PCDHGA9: variants seen among roughly 807,000 people sequenced by gnomAD.
PCDHGA9 encodes protocadherin gamma subfamily A, 9.
A neutral mutation model predicts 62.5 loss-of-function variants in PCDHGA9; 37 were observed. The ratio of observed to expected loss-of-function variants is 0.59; its 90% CI spans 0.46 to 0.78. The LOEUF (loss-of-function observed/expected upper bound fraction) is 0.78, where lower values mean the gene tolerates loss of function less well. Ranked by LOEUF, PCDHGA9 falls within the 30% of genes least tolerant of loss-of-function variation. PCDHGA9 has a pLI of 0.00. For synonymous variants in PCDHGA9, 459 were observed against 484.6 expected (o/e 0.95, Z 0.69); for missense variants, 1,138 against 1,166.2 (o/e 0.98, Z 0.35).
rs13178808 is a variant in PCDHGA9 at position 141,491,920 on chromosome 5, G to A, written c.2425-2887G>A. 1.2e-4 allele frequency: 164 copies of A among 1,356,270 alleles called. No individual in the cohort carries two copies. Among genetic ancestry groups the A allele is most frequent in the Non-Finnish European group, 1.5e-4 (155 of 1,015,194 alleles). The allele number at this position is 1,356,270 out of a possible 1,614,324, so 84.0% of individuals were successfully genotyped here. On this transcript the variant is annotated intron_variant, in intron 1 of 3. Transcript: ENST00000573521. This position sits in a 1 kb window ranked among gnomAD's most constrained non-coding sequence, Gnocchi z 6.9. ...ACCGGGGGTGGTGGCGACTGTGGGC[G>A]AGGGGAGGTGGGACCGACCCCCACC...
chr5:141,489,159 T>G lies in PCDHGA9; in HGVS notation c.2425-5648T>G. On this transcript the variant is annotated intron_variant, in intron 1 of 3. Transcript: ENST00000573521. This position sits in a 1 kb window ranked among gnomAD's most constrained non-coding sequence, Gnocchi z 4.5. ...AGGCTGGAAGGAGACATAAGAGACT[T>G]CAGCTGCTGCATTCCAAGCCCTGGG... is the stretch of plus-strand genomic sequence containing the variant. 2 of 1,023,152 alleles carry G rather than the reference T, an allele frequency of 2.0e-6. No individual in the cohort carries two copies. Among genetic ancestry groups the G allele is most frequent in the Non-Finnish European group, 2.9e-6 (2 of 697,120 alleles). The allele number at this position is 1,023,152 out of a possible 1,614,324, so 63.4% of individuals were successfully genotyped here. A position where few individuals can be genotyped will look rare whatever the true frequency, so the allele number is the denominator to read the frequency against.
In PCDHGA9 at chr5:141,476,476, C is replaced by T; in HGVS notation, c.2425-18331C>T. 6.2e-7 allele frequency: 1 copy of T among 1,613,986 alleles called. No homozygotes were observed. The highest frequency in any genetic ancestry group is 8.5e-7 in the Non-Finnish European group (1 of 1,179,992). On this transcript the variant is annotated intron_variant, in intron 1 of 3. Transcript: ENST00000573521. The surrounding 1 kb of genome is among the most constrained non-coding windows in gnomAD (Gnocchi z 7.6). Reference sequence around the variant, plus strand: ...TGGAGAACCCGCTGGAGCTGTTCAGCGTGGAAGTGGTGATCCAGGACATCA... The same window carrying T: ...TGGAGAACCCGCTGGAGCTGTTCAGTGTGGAAGTGGTGATCCAGGACATCA...
At position 141,403,701 on chromosome 5, in the gene PCDHGA9, A is replaced by C; in HGVS notation, c.749A>C (p.Lys250Thr). The C allele has an allele frequency of 1.2e-6, 2 of 1,613,934 alleles. No individual in the cohort carries two copies. Among genetic ancestry groups the C allele is most frequent in the South Asian group, 2.2e-5 (2 of 91,084 alleles). ...TTTGCTCAACGGATTTACCGAGTTA[A>C]AGTCCTTGAGAACGTGCCCCCAGGC... The part of the protein sequence containing the change: ...PVFAQRIYRV[K>T]VLENVPPGTW... The change falls in exon 1 of 4, where the codon AAA (lysine) becomes ACA (threonine). Residue 250 changes from lysine (K) to threonine (T), a missense_variant. By Grantham distance (78) the Lys-to-Thr change is moderately conservative. Transcript: ENST00000573521.
intron 1 of PCDHGA9, chr5:141,412,431 G>GTTAA (rs1478574285): frequency 6.6e-6 from 1 of 152,132 alleles, no homozygotes; most frequent in African/African-American, 2.4e-5. Context: ...ACACAAAAAG[G>GTTAA]TTAATTAAGG....
intron 1 of PCDHGA9, among the ~76,000 whole-genome samples, chr5:141,474,420 T>C (rs1260451051): frequency 2.0e-5 from 3 of 152,226 alleles, no homozygotes; most frequent in Admixed American, 2.0e-4. Flanking sequence ...GCCTAGACCA[T>C]TGGTCCTCAC....
intron 1 of PCDHGA9, among the ~76,000 whole-genome samples, chr5:141,470,459 AT>A: frequency 6.6e-6 from 1 of 152,096 alleles, no homozygotes; most frequent in East Asian, 1.9e-4. Flanking sequence ...CTTGAATAGG[AT>A]TTTCTGATAT....
intron 1 of PCDHGA9, among the ~76,000 whole-genome samples, chr5:141,480,960 A>G (rs954219522): frequency 1.3e-5 from 2 of 152,190 alleles, no homozygotes; most frequent in African/African-American, 4.8e-5. Context: ...CGGAAGCATC[A>G]GTGAGGGAGA....
At chr5:141,441,763 G>A in intron 1 of PCDHGA9, 1 of 384,020 alleles carries the variant, frequency 2.6e-6, no homozygotes, top group Non-Finnish European at 5.2e-6. Flanking sequence ...GTGAGCCTGC[G>A]CGTGTTGGTG....
chr5:141,464,208 T>G (rs915798868), intron 1 of PCDHGA9, among the ~76,000 whole-genome samples: 1 of 148,120 alleles, frequency 6.8e-6, no homozygotes, highest in Admixed American at 6.9e-5. Context: ...GAGATTGCAG[T>G]GAGCTGAGAT....
In PCDHGA9 at chr5:141,485,423, C is replaced by A; in HGVS notation, c.2425-9384C>A. On this transcript the variant is annotated intron_variant, in intron 1 of 3. Transcript: ENST00000573521. This position sits in a 1 kb window ranked among gnomAD's most constrained non-coding sequence, Gnocchi z 5.7. Reference sequence around the variant, plus strand: ...CCGTGTGGATTTGGACAGCGGAGCCCTGCTCATCAAGAACCCAATCGACCG... The same window carrying A: ...CCGTGTGGATTTGGACAGCGGAGCCATGCTCATCAAGAACCCAATCGACCG... 1 of 1,614,204 alleles carries A rather than the reference C, an allele frequency of 6.2e-7. No homozygotes were observed. The highest frequency in any genetic ancestry group is 8.5e-7 in the Non-Finnish European group (1 of 1,180,036).
intron 1 of PCDHGA9, chr5:141,422,221 A>T (rs1267909650): frequency 1.3e-6 from 2 of 1,565,034 alleles, no homozygotes; most frequent in Admixed American, 4.0e-5. Context: ...CTTTACCACC[A>T]CGACGATGTT....
At position 141,486,813 on chromosome 5, in the gene PCDHGA9, G is replaced by A; in HGVS notation, c.2425-7994G>A. On this transcript the variant is annotated intron_variant, in intron 1 of 3. Transcript: ENST00000573521. The surrounding 1 kb of genome is among the most constrained non-coding windows in gnomAD (Gnocchi z 5.0). ...GATCGGGGCAACCCACCCCTTAGCA[G>A]CACTGTAACAGTTCGTCTATTTGTG... The A allele has an allele frequency of 6.2e-7, 1 of 1,614,212 alleles. No individual in the cohort carries two copies.
chr5:141,472,529 G>C lies in PCDHGA9; in HGVS notation c.2425-22278G>C, dbSNP rs553065027. 9.3e-5 allele frequency among the ~76,000 whole-genome samples: 14 copies of C among 151,058 alleles called. No individual in the cohort carries two copies. In the East Asian group the frequency reaches 2.6e-3, roughly 28 times the overall value. ...CACTCCAGCCTGGGTGACAGAGTGA[G>C]ACACCATCTCAAGAAAAAAAAAATT... On this transcript the variant is annotated intron_variant, in intron 1 of 3. Transcript: ENST00000573521.
intron 1 of PCDHGA9, chr5:141,422,152 G>A (rs979405624): frequency 1.3e-5 from 20 of 1,575,764 alleles, no homozygotes; most frequent in Non-Finnish European, 1.5e-5. Flanking sequence ...GGGGTCTCTG[G>A]ATTTTGAAAA....
rs753358324 is a variant in PCDHGA9, at chr5:141,487,328, G to A, written c.2425-7479G>A. On this transcript the variant is annotated intron_variant, in intron 1 of 3. Transcript: ENST00000573521. This position sits in a 1 kb window ranked among gnomAD's most constrained non-coding sequence, Gnocchi z 5.0. ...ACTACTCTCTAAGTGTCTTCGTGGG[G>A]CAGCCTGTGGAGTCACATGCTTTCC... 1.2e-6 allele frequency: 2 copies of A among 1,613,962 alleles called. No individual in the cohort carries two copies. The highest frequency in any genetic ancestry group is 2.2e-5 in the East Asian group (1 of 44,874).
At chr5:141,407,175 C>T (rs752092856) in intron 1 of PCDHGA9, among the ~76,000 whole-genome samples, 39 of 152,166 alleles carry the variant, frequency 2.6e-4, no homozygotes, top group Non-Finnish European at 5.4e-4. Flanking sequence ...TTATGACATA[C>T]AGACATTTTA....
In PCDHGA9 at chr5:141,487,562, G is replaced by A. The variant is rs140619162; in HGVS notation, c.2425-7245G>A. The A allele has an allele frequency of 7.7e-5, 125 of 1,614,060 alleles. 1 individual carries two copies. The highest frequency in any genetic ancestry group is 5.7e-4 in the Admixed American group (34 of 60,006). On this transcript the variant is annotated intron_variant, in intron 1 of 3. Transcript: ENST00000573521. The surrounding 1 kb of genome is among the most constrained non-coding windows in gnomAD (Gnocchi z 5.0). ...GAAGTCACCCAGTGCACCTATGGCA[G>A]GGGAGCCTGTTCGCCCAAGCTGCCC...
rs1427881816 is a variant in PCDHGA9 at position 141,486,740 on chromosome 5, T to C, written c.2425-8067T>C. ...AGGAGCTGTTCATGCTACTCGATCC[T>C]TTGACTATGAGCAAACCCAGACACT... On this transcript the variant is annotated intron_variant, in intron 1 of 3. Coordinates refer to ENST00000573521, the MANE Select transcript of PCDHGA9 (RefSeq NM_018921.3). The surrounding 1 kb of genome is among the most constrained non-coding windows in gnomAD (Gnocchi z 5.0). 6.2e-7 allele frequency: 1 copy of C among 1,614,234 alleles called. No homozygotes were observed. Among genetic ancestry groups the C allele is most frequent in the Admixed American group, 1.7e-5 (1 of 60,026 alleles).
At chr5:141,421,529 C>T in intron 1 of PCDHGA9, 1 of 1,614,020 alleles carries the variant, frequency 6.2e-7, no homozygotes, top group Non-Finnish European at 8.5e-7. Flanking sequence ...GAGACGGTGT[C>T]CTCCTGTTTT....
Sources: allele counts gnomAD v4.1 joint callset (sites outside exome capture counted in the v4.1 genomes callset), GRCh38; gene constraint gnomAD v4.1.1; non-coding constraint Gnocchi (gnomAD v3.1); transcripts MANE v1.5; gene names NCBI Gene and HGNC (gene_info 2026-07-23, HGNC 2026-07-21).